The following CDKL4 variants were observed in gnomAD, a reference collection of about 807,000 sequenced individuals.
The protein encoded by CDKL4 is cyclin-dependent kinase-like 4.
Under a neutral mutation model 42.0 loss-of-function variants are expected in CDKL4, and 44 were observed. That is an observed-to-expected ratio of 1.05 (90% confidence interval 0.82 to 1.35). The LOEUF (loss-of-function observed/expected upper bound fraction) is 1.35, where lower values mean the gene tolerates loss of function less well. Ranked by LOEUF, CDKL4 falls within the 40% of genes most tolerant of loss-of-function variation. The pLI is 0.00. For synonymous variants in CDKL4, 120 were observed against 121.6 expected (o/e 0.99, Z 0.09); for missense variants, 393 against 369.9 (o/e 1.06, Z -0.51).
chr2:39,179,092 G>C, intron 9 of CDKL4, 95 bp downstream of exon 9: 3 of 1,536,124 alleles, frequency 2.0e-6, no homozygotes, highest in South Asian at 1.3e-5. Context: ...CAAATGAAAG[G>C]TCTTGGTGTC....
At chr2:39,172,236 C>T (rs545592126), downstream of CDKL4, among the ~76,000 whole-genome samples, 6 of 151,322 alleles carry the variant, frequency 4.0e-5, no homozygotes, top group Admixed American at 2.0e-4. Context: ...CATTTGACCC[C>T]GGGAGGCAGA....
intron 3 of CDKL4, 39 bp from the exon 4 acceptor site, chr2:39,213,511 GAT>G: frequency 1.4e-6 from 2 of 1,412,416 alleles, no homozygotes; most frequent in South Asian, 2.3e-5. Flanking sequence ...AAACTCATAG[GAT>G]AGAGTTCCAG....
At chr2:39,245,873 C>T (rs551160632), upstream of CDKL4, among the ~76,000 whole-genome samples, 2 of 152,318 alleles carry the variant, frequency 1.3e-5, no homozygotes, top group South Asian at 4.1e-4. Context: ...TTTCCTAATT[C>T]ACCTAGCATT....
At chr2:39,198,574 T>C (rs1029186646) in intron 5 of CDKL4, among the ~76,000 whole-genome samples, 2 of 152,136 alleles carry the variant, frequency 1.3e-5, no homozygotes, top group South Asian at 2.1e-4. Flanking sequence ...TCTGCCAAGA[T>C]AGACCATATA....
At chr2:39,197,568 G>A (rs1470641341) in intron 5 of CDKL4, among the ~76,000 whole-genome samples, 1 of 152,114 alleles carries the variant, frequency 6.6e-6, no homozygotes, top group Non-Finnish European at 1.5e-5. Flanking sequence ...ACAAAGGAAA[G>A]AATATTAAGG....
chr2:39,242,196 C>A (rs1679697374), intron 1 of CDKL4, among the ~76,000 whole-genome samples: 1 of 152,062 alleles, frequency 6.6e-6, no homozygotes, highest in Non-Finnish European at 1.5e-5. Context: ...CAGGCATGTG[C>A]CACCATGCCT....
chr2:39,196,728 C>G (rs1676536178), intron 5 of CDKL4, among the ~76,000 whole-genome samples: 1 of 152,172 alleles, frequency 6.6e-6, no homozygotes, highest in Non-Finnish European at 1.5e-5. Flanking sequence ...CTGCCTCAGC[C>G]TCCCAAGTAG....
At chr2:39,209,515 T>C (rs1189938895) in intron 4 of CDKL4, among the ~76,000 whole-genome samples, 4 of 152,178 alleles carry the variant, frequency 2.6e-5, no homozygotes, top group Non-Finnish European at 5.9e-5. Context: ...TCTCCAAATT[T>C]AATGTGCACA....
chr2:39,205,607 A>G (rs1677115163), intron 4 of CDKL4, among the ~76,000 whole-genome samples: 1 of 151,850 alleles, frequency 6.6e-6, no homozygotes, highest in Non-Finnish European at 1.5e-5. Flanking sequence ...AAAAATAGAA[A>G]AAATTAACCA....
exon 6 of CDKL4, chr2:39,190,323 G>C: frequency 1.2e-6 from 2 of 1,614,150 alleles, no homozygotes; most frequent in Non-Finnish European, 1.7e-6. Flanking sequence ...CTGATTATCA[G>C]ATAAAGTTGG....
downstream of CDKL4, among the ~76,000 whole-genome samples, chr2:39,174,478 A>G (rs1558539141): frequency 6.6e-6 from 1 of 152,120 alleles, no homozygotes; most frequent in Non-Finnish European, 1.5e-5. Flanking sequence ...ATGCTTCTAC[A>G]TAACTGAATG....
At chr2:39,235,974 A>T (rs1394124614) in intron 1 of CDKL4, among the ~76,000 whole-genome samples, 2 of 152,170 alleles carry the variant, frequency 1.3e-5, no homozygotes, top group Non-Finnish European at 1.5e-5. Context: ...GATTCTGAGT[A>T]GACTCAGATG....
intron 3 of CDKL4, among the ~76,000 whole-genome samples, chr2:39,218,327 C>T (rs1678069660): frequency 6.6e-6 from 1 of 151,982 alleles, no homozygotes; most frequent in Non-Finnish European, 1.5e-5. Context: ...ATGGCAAGAC[C>T]CTACCTCTAC....
chr2:39,178,908 A>T (rs966398714), intron 9 of CDKL4: 52 of 1,452,938 alleles, frequency 3.6e-5, no homozygotes, highest in Non-Finnish European at 4.3e-5. Context: ...TTATGGGTAT[A>T]CGATCTTGTG....
chr2:39,176,241 C>T (rs1369287352), intron 9 of CDKL4, 145 bp from the exon 10 acceptor site: 2 of 328,894 alleles, frequency 6.1e-6, no homozygotes, highest in Non-Finnish European at 1.2e-5. Context: ...GTAGGGTTAC[C>T]TTTCCAAAAA....
chr2:39,199,410 T>C (rs1016418843), intron 5 of CDKL4, among the ~76,000 whole-genome samples: 6 of 151,910 alleles, frequency 3.9e-5, no homozygotes, highest in African/African-American at 1.5e-4. Context: ...CTATCAGACA[T>C]TCAAAGAAAA....
Position 39,199,216 on chromosome 2 carries a change from C to T in CDKL4, c.454+5311G>A, listed in dbSNP as rs186486886. Among the ~76,000 whole-genome samples the T allele has an allele frequency of 9.9e-4, 151 of 152,042 alleles. 1 individual carries two copies. The highest frequency in any genetic ancestry group is 6.8e-3 in the South Asian group (33 of 4,820). On this transcript the variant is annotated intron_variant, in intron 5 of 9. Transcript: ENST00000451199. ...CTCAAGGCTCCTATGAATACCTTTA[C>T]GTGCATAAACTAGAAAACCTAGAGG...
intron 4 of CDKL4, among the ~76,000 whole-genome samples, chr2:39,210,674 T>C (rs150129088): frequency 2.3e-3 from 349 of 152,306 alleles, no homozygotes; most frequent in African/African-American, 8.0e-3. Context: ...TAAACACTTG[T>C]GGTAAGTGGT....
intron 7 of CDKL4, 37 bp from the exon 8 acceptor site, chr2:39,184,684 G>C (rs1420675029): frequency 2.8e-6 from 4 of 1,405,526 alleles, no homozygotes; most frequent in South Asian, 1.2e-5. Context: ...TATTACATAA[G>C]AACAAAGTAA....
Sources: allele counts gnomAD v4.1 joint callset (sites outside exome capture counted in the v4.1 genomes callset), GRCh38; gene constraint gnomAD v4.1.1; transcripts MANE v1.5; gene names NCBI Gene and HGNC (gene_info 2026-07-23, HGNC 2026-07-21).